FAM168A: variants seen among roughly 807,000 people sequenced by gnomAD.
FAM168A encodes family with sequence similarity 168 member A.
FAM168A carries 3 observed loss-of-function variants against 28.5 expected under a neutral mutation model. The observed-to-expected ratio is 0.11, with a 90% CI of 0.05 to 0.27. The LOEUF (loss-of-function observed/expected upper bound fraction) is 0.27. FAM168A is among the 10% of genes least tolerant of loss of function. The pLI is 1.00. For missense variants in FAM168A, 222 were observed against 311.5 expected (o/e 0.71, Z 2.16); for synonymous variants, 122 against 124.2 (o/e 0.98, Z 0.12).
At chr11:73,568,504 A>G (rs1030750308) in intron 1 of FAM168A, among the ~76,000 whole-genome samples, 2 of 152,238 alleles carry the variant, frequency 1.3e-5, no homozygotes, top group Non-Finnish European at 2.9e-5. Context: ...AAAACCAAGT[A>G]GCTATGCTAT....
chr11:73,567,675 T>C (rs1466175148), intron 1 of FAM168A, among the ~76,000 whole-genome samples: 2 of 152,242 alleles, frequency 1.3e-5, no homozygotes, highest in African/African-American at 2.4e-5. Flanking sequence ...ATGTCTTGTT[T>C]CTAAAGATAA....
Position 73,434,300 on chromosome 11 carries a change from A to G in FAM168A, c.71-3530T>C, listed in dbSNP as rs533569533. Among the ~76,000 whole-genome samples the G allele has an allele frequency of 1.4e-4, 21 of 152,346 alleles. No homozygotes were observed. In the South Asian group the frequency reaches 3.5e-3, roughly 26 times the overall value. On this transcript the variant is annotated intron_variant, in intron 2 of 7. Transcript: ENST00000356467. Reference sequence around the variant, plus strand: ...AGAGGGTGGGAGAAGGCACCCTTGGATAAATATTAAACATAAAGTCTTCAG... The same window carrying G: ...AGAGGGTGGGAGAAGGCACCCTTGGGTAAATATTAAACATAAAGTCTTCAG...
intron 1 of FAM168A, among the ~76,000 whole-genome samples, chr11:73,556,966 T>A (rs1199159678): frequency 6.6e-6 from 1 of 151,440 alleles, no homozygotes; most frequent in Admixed American, 6.6e-5. Flanking sequence ...GAGGCAGAGG[T>A]TGCAGTGAGC....
At chr11:73,476,133 CA>C (rs1168019651) in intron 1 of FAM168A, among the ~76,000 whole-genome samples, 14 of 152,190 alleles carry the variant, frequency 9.2e-5, no homozygotes, top group Admixed American at 3.9e-4. Flanking sequence ...TTGGACATAA[CA>C]AAACTAAAAG....
At chr11:73,547,846 T>TG (rs1314045701) in intron 1 of FAM168A, among the ~76,000 whole-genome samples, 4 of 143,414 alleles carry the variant, frequency 2.8e-5, no homozygotes, top group African/African-American at 1.1e-4. Context: ...ATTGAATGAA[T>TG]GGGGAAAAAA....
At chr11:73,557,904 T>G (rs1257252888) in intron 1 of FAM168A, among the ~76,000 whole-genome samples, 1 of 152,224 alleles carries the variant, frequency 6.6e-6, no homozygotes, top group Non-Finnish European at 1.5e-5. Flanking sequence ...ATGCCAAGAC[T>G]AATCACTAAT....
At chr11:73,517,560 A>G (rs74753957) in intron 1 of FAM168A, among the ~76,000 whole-genome samples, 2,599 of 152,224 alleles carry the variant, frequency 0.017, 77 homozygotes, top group African/African-American at 0.06. Context: ...TGGTTAATAC[A>G]TGACGTGGTG....
chr11:73,565,454 T>C (rs1194107528), intron 1 of FAM168A, among the ~76,000 whole-genome samples: 1 of 152,104 alleles, frequency 6.6e-6, no homozygotes, highest in Non-Finnish European at 1.5e-5. Context: ...CATCGGTAGG[T>C]AGGGTTTGCA....
intron 2 of FAM168A, among the ~76,000 whole-genome samples, chr11:73,466,627 A>G (rs1290068917): frequency 6.6e-6 from 1 of 152,198 alleles, no homozygotes; most frequent in Non-Finnish European, 1.5e-5. Flanking sequence ...TAGATCTTCC[A>G]TCTCCAGTAA....
intron 1 of FAM168A, among the ~76,000 whole-genome samples, chr11:73,475,448 C>T (rs979129258): frequency 1.3e-5 from 2 of 151,974 alleles, no homozygotes; most frequent in African/African-American, 4.8e-5. Flanking sequence ...GGTTTAATGC[C>T]TTCTGGGATA....
chr11:73,513,843 T>C (rs1242729846), intron 1 of FAM168A, among the ~76,000 whole-genome samples: 1 of 152,194 alleles, frequency 6.6e-6, no homozygotes, highest in Non-Finnish European at 1.5e-5. Flanking sequence ...ACTTACATTT[T>C]GGCTATGTTA....
chr11:73,593,635 T>A (rs1365646187), intron 1 of FAM168A, among the ~76,000 whole-genome samples: 1 of 152,216 alleles, frequency 6.6e-6, no homozygotes, highest in African/African-American at 2.4e-5. Flanking sequence ...TAAGAACTCA[T>A]TGGTAGGGCA....
intron 1 of FAM168A, among the ~76,000 whole-genome samples, chr11:73,553,494 A>C (rs1943852200): frequency 6.6e-6 from 1 of 152,226 alleles, no homozygotes; most frequent in Admixed American, 6.5e-5. Flanking sequence ...CACTGTAAAC[A>C]AATGAGGATG....
intron 1 of FAM168A, among the ~76,000 whole-genome samples, chr11:73,564,735 T>G (rs1414950442): frequency 8.8e-6 from 1 of 114,284 alleles, no homozygotes; most frequent in Non-Finnish European, 1.7e-5. Context: ...ACAGTGAGAC[T>G]CCGTCACAAA....
At chr11:73,430,475 T>C in intron 3 of FAM168A, 2 of 512,126 alleles carry the variant, frequency 3.9e-6, no homozygotes, top group Non-Finnish European at 3.6e-6. Context: ...TGAGCCAACC[T>C]TAAGTCCCAG....
intron 4 of FAM168A, among the ~76,000 whole-genome samples, chr11:73,413,231 T>TC (rs5792616): frequency 1 from 152,337 of 152,340 alleles, 76,167 homozygotes; most frequent in Non-Finnish European, 1. Flanking sequence ...GTCAGCCTGT[T>TC]CCTGGATTCA....
chr11:73,471,446 C>T (rs1012723434), intron 1 of FAM168A, among the ~76,000 whole-genome samples: 1 of 152,146 alleles, frequency 6.6e-6, no homozygotes, highest in African/African-American at 2.4e-5. Flanking sequence ...GTTCTATGAG[C>T]CCCTGAAAAA....
chr11:73,558,463 T>C (rs111769008), intron 1 of FAM168A, among the ~76,000 whole-genome samples: 4,300 of 122,066 alleles, frequency 0.035, 87 homozygotes, highest in Non-Finnish European at 0.049. Flanking sequence ...AGCAAGACCC[T>C]GTCTCTAAAA....
At chr11:73,539,003 A>C (rs566790937) in intron 1 of FAM168A, among the ~76,000 whole-genome samples, 5 of 152,350 alleles carry the variant, frequency 3.3e-5, no homozygotes, top group Non-Finnish European at 7.3e-5. Flanking sequence ...TAAGAAGATG[A>C]GACAAAAAGG....
Sources: gnomAD v4.1 joint callset for allele counts (sites outside exome capture counted in the v4.1 genomes callset) on GRCh38, gnomAD v4.1.1 for gene constraint, MANE v1.5 for transcripts, NCBI Gene and HGNC (gene_info 2026-07-23, HGNC 2026-07-21) for gene names.